MDN1: variants seen among roughly 807,000 people sequenced by gnomAD.
MDN1 encodes the protein midasin.
In MDN1, 266 loss-of-function variants were observed where a neutral mutation model predicts 669.2. That is an observed-to-expected ratio of 0.40 (90% confidence interval 0.36 to 0.44). The LOEUF (loss-of-function observed/expected upper bound fraction) is 0.44, where lower values mean the gene tolerates loss of function less well. Ranked by LOEUF, MDN1 falls within the 20% of genes least tolerant of loss-of-function variation. The pLI is 1.00. For missense variants in MDN1, 5,940 were observed against 6,754.0 expected, an observed-to-expected ratio of 0.88 and a Z score of 4.22; for synonymous variants, 2,385 against 2,457.1, an observed-to-expected ratio of 0.97 and a Z score of 0.87.
chr6:89,654,264 C>T lies in MDN1; in HGVS notation c.15561G>A (p.Glu5187=). 1 of 1,614,226 alleles carries T rather than the reference C, an allele frequency of 6.2e-7. No homozygotes were observed. The highest frequency in any genetic ancestry group is 8.5e-7 in the Non-Finnish European group (1 of 1,180,042). The change falls in exon 93 of 102, where the codon GAG becomes GAA. Residue 5187 remains glutamate, a synonymous_variant. Transcript: ENST00000369393. ...SGKDQEEEEI[E]DTLMDTEEQE... is the part of the protein sequence containing the mutation. ...GCTCCTCTGTGTCCATAAGGGTGTC[C>T]TCTATCTCCTCCTCTTCCTGATCTT...
chr6:89,662,696 A>G, intron 86 of MDN1, 96 bp downstream of exon 86: 1 of 1,334,084 alleles, frequency 7.5e-7, no homozygotes, highest in Non-Finnish European at 1.0e-6. Flanking sequence ...CAAAACAAAT[A>G]CAGAAAAAGA....
intron 93 of MDN1, among the ~76,000 whole-genome samples, chr6:89,653,532 G>A (rs1379080336): frequency 6.6e-6 from 1 of 152,244 alleles, no homozygotes; most frequent in Non-Finnish European, 1.5e-5. Context: ...GCAAAGAAAA[G>A]ATCAATAATT....
At chr6:89,741,944 T>C (rs568397852) in intron 31 of MDN1, among the ~76,000 whole-genome samples, 53 of 151,152 alleles carry the variant, frequency 3.5e-4, no homozygotes, top group African/African-American at 1.2e-3. Flanking sequence ...TTACTAAAAA[T>C]ACAAAAATTA....
At chr6:89,768,714 G>A (rs1817926521) in intron 15 of MDN1, among the ~76,000 whole-genome samples, 2 of 152,028 alleles carry the variant, frequency 1.3e-5, no homozygotes, top group Admixed American at 1.3e-4. Flanking sequence ...TCCAGGCTGG[G>A]CAACAGAGTG....
intron 7 of MDN1, 97 bp downstream of exon 7, chr6:89,789,683 T>C (rs1364370393): frequency 7.2e-7 from 1 of 1,394,778 alleles, no homozygotes; most frequent in Non-Finnish European, 9.7e-7. Flanking sequence ...ATCAAATACA[T>C]TTTTGTTTAA....
intron 11 of MDN1, among the ~76,000 whole-genome samples, 159 bp downstream of exon 11, chr6:89,780,053 C>T (rs1584359308): frequency 2.0e-5 from 3 of 148,436 alleles, no homozygotes; most frequent in Admixed American, 1.4e-4. Flanking sequence ...GGGACAAGAG[C>T]GAGAGACTTC....
chr6:89,739,569 C>A (rs1816177410), intron 32 of MDN1, among the ~76,000 whole-genome samples: 1 of 152,296 alleles, frequency 6.6e-6, no homozygotes, highest in East Asian at 1.9e-4. Flanking sequence ...CCTGTTACAT[C>A]ACTCTCTTCC....
At position 89,693,164 on chromosome 6, in the gene MDN1, C is replaced by T; in HGVS notation, c.9882-16G>A. 3.3e-6 allele frequency: 5 copies of T among 1,514,638 alleles called. No homozygotes were observed. The highest frequency in any genetic ancestry group is 4.5e-6 in the Non-Finnish European group (5 of 1,119,114). The allele number at this position is 1,514,638 out of a possible 1,614,324, so 93.8% of individuals were successfully genotyped here. On this transcript the variant is annotated splice_polypyrimidine_tract_variant and intron_variant, in intron 62 of 101. Transcript: ENST00000369393. The stretch of plus-strand genomic sequence containing the variant: ...GCGAAGCAGCCTAACGGGAAATTAA[C>T]ACAATATGCCAATTATGTCAGAAGA...
chr6:89,683,880 T>C lies in MDN1; in HGVS notation c.11854A>G (p.Asn3952Asp), dbSNP rs1248972426. Reference sequence around the variant, plus strand: ...TTAATGGACCAGAAGCTGACATCATTCCACTTGGAAATCTTAACAAATTCC... The same window carrying C: ...TTAATGGACCAGAAGCTGACATCATCCCACTTGGAAATCTTAACAAATTCC... The part of the protein sequence containing the change: ...LKEFVKISKW[N>D]DVSFWSIKQS... The change falls in exon 72 of 102, where the codon AAT becomes GAT. Residue 3952 changes from asparagine to aspartate, a missense_variant. Around this residue, in one of 5 missense-constraint regions of MDN1, gnomAD observed 2,280 missense variants for 2,576.3 expected, o/e 0.88. Transcript: ENST00000369393. 2.5e-6 allele frequency: 4 copies of C among 1,613,276 alleles called. No individual in the cohort carries two copies. In the African/African-American group the frequency reaches 5.3e-5, roughly 22 times the overall value.
intron 1 of MDN1, among the ~76,000 whole-genome samples, chr6:89,818,188 G>A (rs557397794): frequency 1.9e-3 from 294 of 151,680 alleles, no homozygotes; most frequent in African/African-American, 6.7e-3. Flanking sequence ...GCATGGTGGC[G>A]CACGCCTGTA....
chr6:89,684,141 G>A (rs1479951311), intron 71 of MDN1, among the ~76,000 whole-genome samples: 2 of 152,084 alleles, frequency 1.3e-5, no homozygotes, highest in Admixed American at 6.6e-5. Context: ...TAAGGAGATT[G>A]AGACCATCCT....
intron 16 of MDN1, 30 bp downstream of exon 16, chr6:89,762,289 C>G (rs1202722399): frequency 6.3e-7 from 1 of 1,581,050 alleles, no homozygotes; most frequent in Admixed American, 1.7e-5. Context: ...CCCATGCCCT[C>G]CCCCATGGCA....
rs1362933313 is a variant in MDN1, at chr6:89,743,180, G to A, written c.4418C>T (p.Ala1473Val). Residue 1473 changes from alanine to valine, a missense_variant, in exon 31 of 102, where the codon GCC becomes GTC. Ala to Val is a moderately conservative substitution (Grantham distance 64, BLOSUM62 0). This residue lies in a region of MDN1 where 2,292 missense variants were observed against 2,638.3 expected (regional missense o/e 0.87). Coordinates refer to ENST00000369393, the MANE Select transcript of MDN1 (RefSeq NM_014611.3). ...GAGTCTTTCCAAGACAGAGTCATCG[G>A]CCAATGAGATCTCATCCAAGAGGAA... is the stretch of plus-strand genomic sequence containing the variant. The part of the protein sequence containing the change: ...GFFLLDEISL[A>V]DDSVLERLNS... 6.2e-7 allele frequency: 1 copy of A among 1,613,954 alleles called. No individual in the cohort carries two copies. Among genetic ancestry groups the A allele is most frequent in the African/African-American group, 1.3e-5 (1 of 74,894 alleles).
chr6:89,712,520 G>T, intron 48 of MDN1, 55 bp downstream of exon 48: 1 of 1,533,764 alleles, frequency 6.5e-7, no homozygotes, highest in Non-Finnish European at 9.0e-7. Context: ...ACCATTTCCA[G>T]CAAAAATAAA....
intron 79 of MDN1, 61 bp from the exon 80 acceptor site, chr6:89,673,523 C>G: frequency 2.1e-6 from 3 of 1,422,874 alleles, no homozygotes; most frequent in Non-Finnish European, 2.9e-6. Context: ...AACACACACC[C>G]CTCCCTGCAA....
intron 11 of MDN1, among the ~76,000 whole-genome samples, chr6:89,777,238 G>C (rs1287019966): frequency 6.6e-6 from 1 of 152,136 alleles, no homozygotes; most frequent in East Asian, 1.9e-4. Context: ...AATTCATCAA[G>C]CATTTTTTGT....
intron 63 of MDN1, 98 bp from the exon 64 acceptor site, chr6:89,690,932 A>G (rs1812339157): frequency 7.2e-7 from 1 of 1,382,794 alleles, no homozygotes; most frequent in South Asian, 1.4e-5. Flanking sequence ...TGAAAGTATC[A>G]TGACTCAAAA....
At chr6:89,647,863 G>A (rs1245067721) in intron 99 of MDN1, among the ~76,000 whole-genome samples, 169 bp downstream of exon 99, 1 of 152,204 alleles carries the variant, frequency 6.6e-6, no homozygotes, top group Non-Finnish European at 1.5e-5. Flanking sequence ...TGAGGCAGGA[G>A]GACTGCTTGA....
intron 53 of MDN1, among the ~76,000 whole-genome samples, chr6:89,705,322 C>A (rs1011730133): frequency 1.8e-4 from 28 of 152,022 alleles, no homozygotes; most frequent in African/African-American, 6.8e-4. Context: ...GATATAACAT[C>A]GTTGGAGTTT....
Sources: gnomAD v4.1 joint callset for allele counts (sites outside exome capture counted in the v4.1 genomes callset) on GRCh38, gnomAD v4.1.1 for gene constraint, gnomAD v4.1.1 regional missense constraint, MANE v1.5 for transcripts, NCBI Gene and HGNC (gene_info 2026-07-23, HGNC 2026-07-21) for gene names.